Variants in SGCD observed in about 807,000 individuals in gnomAD.
SGCD encodes sarcoglycan delta.
Under a neutral mutation model 36.6 loss-of-function variants are expected in SGCD, and 18 were observed. The ratio of observed to expected loss-of-function variants is 0.49; its 90% CI spans 0.34 to 0.73. The LOEUF is 0.73. Among genes scored for constraint, SGCD ranks in the 30% least tolerant of loss-of-function variants. The probability of loss-of-function intolerance (pLI) is 0.01; values close to 1 mark genes in which losing one functional copy is unlikely to be tolerated. For synonymous variants in SGCD, 133 were observed against 130.6 expected (o/e 1.02, Z -0.12); for missense variants, 387 against 346.7 (o/e 1.12, Z -0.92).
intron 1 of SGCD, among the ~76,000 whole-genome samples, chr5:156,052,466 A>G (rs1050626128): frequency 1.4e-5 from 2 of 146,454 alleles, no homozygotes; most frequent in Non-Finnish European, 3.1e-5. Context: ...GACTAAGTTT[A>G]TAAAAGATTA....
At chr5:156,018,718 CT>C (rs1759037294) in intron 1 of SGCD, among the ~76,000 whole-genome samples, 1 of 152,164 alleles carries the variant, frequency 6.6e-6, no homozygotes, top group Non-Finnish European at 1.5e-5. Context: ...AACTTTTTAA[CT>C]TCTGGAAGGC....
At chr5:156,018,870 A>G (rs1007839042) in intron 1 of SGCD, among the ~76,000 whole-genome samples, 2 of 152,228 alleles carry the variant, frequency 1.3e-5, no homozygotes, top group African/African-American at 4.8e-5. Flanking sequence ...AGGAAACTTA[A>G]ATCTTAGCAG....
At chr5:156,300,534 T>C (rs1767027697) in intron 3 of SGCD, among the ~76,000 whole-genome samples, 1 of 152,134 alleles carries the variant, frequency 6.6e-6, no homozygotes, top group South Asian at 2.1e-4. Context: ...ACCTAACATA[T>C]GGTCTATCCT....
At chr5:156,645,783 C>T (rs947926298) in intron 6 of SGCD, among the ~76,000 whole-genome samples, 2 of 152,004 alleles carry the variant, frequency 1.3e-5, no homozygotes, top group Non-Finnish European at 2.9e-5. Flanking sequence ...TTCTGGTGAT[C>T]AAATGAAAAA....
the SGCD span, among the ~76,000 whole-genome samples, chr5:155,728,226 A>G: frequency 6.6e-6 from 1 of 151,828 alleles, no homozygotes; most frequent in African/African-American, 2.4e-5. Flanking sequence ...CGCCAGCCGG[A>G]GCGCGCACAC....
intron 4 of SGCD, among the ~76,000 whole-genome samples, chr5:156,580,813 A>G (rs1760223171): frequency 1.3e-5 from 2 of 151,980 alleles, no homozygotes; most frequent in African/African-American, 4.8e-5. Context: ...ATCTTTTTTC[A>G]AGGTTTTTAG....
intron 1 of SGCD, among the ~76,000 whole-genome samples, chr5:156,096,810 T>G (rs1761388235): frequency 6.6e-6 from 1 of 152,238 alleles, no homozygotes; most frequent in African/African-American, 2.4e-5. Context: ...TGGTTATACT[T>G]CCTCAAATTC....
intron 1 of SGCD, among the ~76,000 whole-genome samples, chr5:156,014,240 A>G (rs1005821887): frequency 3.9e-5 from 6 of 152,082 alleles, no homozygotes; most frequent in Non-Finnish European, 7.4e-5. Context: ...TTGCTCATTC[A>G]GTTTCCTTGG....
chr5:156,538,513 T>C (rs1758213778), intron 4 of SGCD, among the ~76,000 whole-genome samples: 1 of 152,148 alleles, frequency 6.6e-6, no homozygotes, highest in African/African-American at 2.4e-5. Flanking sequence ...TGCTCTGCTC[T>C]CAGTGTCTTA....
chr5:156,736,978 C>T (rs1217948403), intron 7 of SGCD, among the ~76,000 whole-genome samples: 3 of 152,028 alleles, frequency 2.0e-5, no homozygotes, highest in Non-Finnish European at 4.4e-5. Context: ...ACAGAGGATC[C>T]TGAAATGGGT....
chr5:156,397,362 A>G (rs1771913779), intron 3 of SGCD, among the ~76,000 whole-genome samples: 1 of 152,186 alleles, frequency 6.6e-6, no homozygotes, highest in Non-Finnish European at 1.5e-5. Context: ...CTTTTTATAA[A>G]CTTTTAAAAA....
At chr5:156,593,428 A>G (rs1293442491) in intron 5 of SGCD, among the ~76,000 whole-genome samples, 1 of 152,200 alleles carries the variant, frequency 6.6e-6, no homozygotes, top group African/African-American at 2.4e-5. Context: ...TCATGTGTGT[A>G]CATAGCAAAA....
chr5:155,896,846 A>T (rs953057650), intron 1 of SGCD, among the ~76,000 whole-genome samples: 1 of 152,198 alleles, frequency 6.6e-6, no homozygotes, highest in Non-Finnish European at 1.5e-5. Context: ...TATGTTTGGA[A>T]AAACAACACT....
At chr5:155,990,441 C>T (rs1758409368) in intron 1 of SGCD, among the ~76,000 whole-genome samples, 1 of 152,108 alleles carries the variant, frequency 6.6e-6, no homozygotes, top group African/African-American at 2.4e-5. Context: ...GTAAGGAAAG[C>T]ACATGCATGA....
intron 3 of SGCD, among the ~76,000 whole-genome samples, chr5:156,360,769 C>T (rs928041639): frequency 6.6e-6 from 1 of 152,052 alleles, no homozygotes; most frequent in African/African-American, 2.4e-5. Context: ...CCCTTCCCAT[C>T]CCCTCTCCAG....
the SGCD span, among the ~76,000 whole-genome samples, chr5:155,756,549 T>C: frequency 6.6e-6 from 1 of 152,036 alleles, no homozygotes; most frequent in South Asian, 2.1e-4. Flanking sequence ...ATCCCTAGAG[T>C]TGTTGTAGGG....
At chr5:156,568,964 G>A (rs1759607785) in intron 4 of SGCD, among the ~76,000 whole-genome samples, 1 of 152,104 alleles carries the variant, frequency 6.6e-6, no homozygotes, top group Non-Finnish European at 1.5e-5. Flanking sequence ...CAGAATTCAT[G>A]GCCATACAGT....
At chr5:155,949,245 G>T in intron 1 of SGCD, among the ~76,000 whole-genome samples, 1 of 152,172 alleles carries the variant, frequency 6.6e-6, no homozygotes, top group East Asian at 1.9e-4. Context: ...CCAAGGCACA[G>T]ATCTGAGTAA....
chr5:156,718,980 C>CT (rs1197806710), intron 7 of SGCD, among the ~76,000 whole-genome samples: 1 of 152,118 alleles, frequency 6.6e-6, no homozygotes, highest in Non-Finnish European at 1.5e-5. Flanking sequence ...CCTCTACTGC[C>CT]TAACCCCTCC....
Sources: gnomAD v4.1 joint callset for allele counts (sites outside exome capture counted in the v4.1 genomes callset) on GRCh38, gnomAD v4.1.1 for gene constraint, MANE v1.5 for transcripts, NCBI Gene and HGNC (gene_info 2026-07-23, HGNC 2026-07-21) for gene names.